CDK6: variants seen among roughly 807,000 people sequenced by gnomAD.
The protein encoded by CDK6 is cyclin-dependent kinase 6.
A neutral mutation model predicts 37.1 loss-of-function variants in CDK6; 6 were observed. The ratio of observed to expected loss-of-function variants is 0.16; its 90% CI spans 0.09 to 0.32. The LOEUF (loss-of-function observed/expected upper bound fraction) is 0.32. Among genes scored for constraint, CDK6 ranks in the 10% least tolerant of loss-of-function variants. CDK6 has a pLI of 1.00. For synonymous variants in CDK6, 160 were observed against 161.3 expected, an observed-to-expected ratio of 0.99 and a Z score of 0.06; for missense variants, 224 against 418.9, an observed-to-expected ratio of 0.53 and a Z score of 4.06.
chr7:92,680,109 A>G (rs995857427), intron 4 of CDK6, among the ~76,000 whole-genome samples: 5 of 151,966 alleles, frequency 3.3e-5, no homozygotes, highest in African/African-American at 1.2e-4. Flanking sequence ...TTCTCATTAT[A>G]ACACCTTAAC....
intron 5 of CDK6, among the ~76,000 whole-genome samples, chr7:92,635,780 C>T (rs1184237408): frequency 6.6e-6 from 1 of 152,070 alleles, no homozygotes; most frequent in Non-Finnish European, 1.5e-5. Flanking sequence ...ACCCATGATA[C>T]CGTGCTGTGC....
At chr7:92,814,936 C>T (rs1170268237) in intron 2 of CDK6, among the ~76,000 whole-genome samples, 1 of 151,848 alleles carries the variant, frequency 6.6e-6, no homozygotes, top group Non-Finnish European at 1.5e-5. Context: ...TGTATATGTA[C>T]ATAATTTTTA....
intron 2 of CDK6, among the ~76,000 whole-genome samples, chr7:92,805,202 A>G (rs147605391): frequency 2.6e-5 from 4 of 152,128 alleles, no homozygotes; most frequent in African/African-American, 2.4e-5. Flanking sequence ...TGAATCATGT[A>G]ATCTGCCCAC....
chr7:92,736,308 T>C (rs1798786165), intron 3 of CDK6, among the ~76,000 whole-genome samples: 1 of 152,152 alleles, frequency 6.6e-6, no homozygotes, highest in African/African-American at 2.4e-5. Flanking sequence ...AAAAGAACTA[T>C]GAAGTCCCTA....
At chr7:92,825,481 C>G (rs1801286950) in intron 2 of CDK6, among the ~76,000 whole-genome samples, 1 of 152,086 alleles carries the variant, frequency 6.6e-6, no homozygotes, top group Non-Finnish European at 1.5e-5. Context: ...CACACACACA[C>G]ACACCCCAAC....
intron 2 of CDK6, among the ~76,000 whole-genome samples, chr7:92,815,638 T>G (rs916103335): frequency 3.3e-5 from 5 of 152,274 alleles, no homozygotes; most frequent in African/African-American, 1.2e-4. Flanking sequence ...AGGAGGAACC[T>G]CAGAGTTCTG....
intron 2 of CDK6, among the ~76,000 whole-genome samples, chr7:92,806,012 C>T (rs1437042582): frequency 6.6e-6 from 1 of 152,018 alleles, no homozygotes; most frequent in Non-Finnish European, 1.5e-5. Flanking sequence ...GATGGTTGCA[C>T]AACAATGTGA....
At chr7:92,748,226 A>T (rs372725734) in intron 3 of CDK6, among the ~76,000 whole-genome samples, 73 of 152,346 alleles carry the variant, frequency 4.8e-4, no homozygotes, top group African/African-American at 1.7e-3. Context: ...AGCAACTATT[A>T]TATCATCAGC....
At chr7:92,827,571 G>GA (rs1372888328) in intron 2 of CDK6, among the ~76,000 whole-genome samples, 2 of 152,112 alleles carry the variant, frequency 1.3e-5, no homozygotes, top group Non-Finnish European at 2.9e-5. Context: ...GCAGCTCTTG[G>GA]AAAAATCTCT....
At chr7:92,627,905 C>G (rs910523890) in intron 5 of CDK6, among the ~76,000 whole-genome samples, 6 of 151,600 alleles carry the variant, frequency 4.0e-5, no homozygotes, top group Non-Finnish European at 8.8e-5. Flanking sequence ...TATTTGGAAA[C>G]CATCCACATA....
intron 4 of CDK6, among the ~76,000 whole-genome samples, chr7:92,686,301 A>T (rs1797452081): frequency 6.6e-6 from 1 of 151,948 alleles, no homozygotes; most frequent in South Asian, 2.1e-4. Context: ...CCTTCCCTGA[A>T]TCCCCAAAGT....
rs190488590 is a variant in CDK6 at position 92,611,531 on chromosome 7, G to A, written c.*3609C>T. On this transcript the variant is annotated 3_prime_UTR_variant, in exon 8 of 8. Coordinates refer to ENST00000424848, the MANE Select transcript of CDK6 (RefSeq NM_001145306.2). ...CTTACATAATTTAATTTCCACAATGGAACAATAATGGCCATTACTGACTTT... is the reference window on the plus strand; with the variant it reads ...CTTACATAATTTAATTTCCACAATGAAACAATAATGGCCATTACTGACTTT... 1.7e-4 allele frequency: 38 copies of A among 227,510 alleles called. No individual in the cohort carries two copies. Among genetic ancestry groups the A allele is most frequent in the Admixed American group, 1.4e-3 (24 of 17,650 alleles). 14.1% of individuals were successfully genotyped at this position (227,510 alleles called of 1,614,324 possible). A position where few individuals can be genotyped will look rare whatever the true frequency, so the allele number is the denominator to read the frequency against.
At chr7:92,696,688 G>A (rs919218169) in intron 4 of CDK6, among the ~76,000 whole-genome samples, 1 of 152,046 alleles carries the variant, frequency 6.6e-6, no homozygotes, top group Admixed American at 6.6e-5. Context: ...GAAATTTTGT[G>A]GATTTAAAGA....
Position 92,833,793 on chromosome 7 carries a change from C to T in CDK6, c.-367-103G>A, listed in dbSNP as rs377584929. 1.2e-5 allele frequency: 5 copies of T among 404,826 alleles called. No individual in the cohort carries two copies. The highest frequency in any genetic ancestry group is 2.2e-5 in the Non-Finnish European group (5 of 230,648). 25.1% of individuals were successfully genotyped at this position (404,826 alleles called of 1,614,324 possible). ...CCCCTCCTCCTCCTTTACGAAGCCTCCATCGCTACCCTCCGCGCGCTCCTG... is the reference window on the plus strand; with the variant it reads ...CCCCTCCTCCTCCTTTACGAAGCCTTCATCGCTACCCTCCGCGCGCTCCTG... On this transcript the variant is annotated intron_variant, in intron 1 of 7. Transcript: ENST00000424848. This position sits in a 1 kb window ranked among gnomAD's most constrained non-coding sequence, Gnocchi z 6.1.
chr7:92,671,331 C>A, intron 5 of CDK6, 95 bp downstream of exon 5: 1 of 749,566 alleles, frequency 1.3e-6, no homozygotes, highest in Non-Finnish European at 2.1e-6. Context: ...CCATCATGAC[C>A]CCTAATGATA....
rs114696707 is a variant in CDK6 at position 92,830,763 on chromosome 7, C to A, written c.233+2328G>T. Among the ~76,000 whole-genome samples the A allele has an allele frequency of 3.4e-3, 523 of 152,308 alleles. 1 individual carries two copies. The highest frequency in any genetic ancestry group is 0.012 in the African/African-American group (493 of 41,568). On this transcript the variant is annotated intron_variant, in intron 2 of 7. Transcript: ENST00000424848. ...CTGTAGCTCATGAGGGTGACATCAT[C>A]AATAATTTCCTCAAGTATCACTGAA...
rs878990609 is a variant in CDK6 at position 92,611,267 on chromosome 7, A to G, written c.*3873T>C. The G allele has an allele frequency of 8.9e-6, 2 of 224,802 alleles. No individual in the cohort carries two copies. The highest frequency in any genetic ancestry group is 1.1e-4 in the Admixed American group (2 of 17,532). 13.9% of individuals were successfully genotyped at this position (224,802 alleles called of 1,614,324 possible). A position where few individuals can be genotyped will look rare whatever the true frequency, so the allele number is the denominator to read the frequency against. ...TAAATATCTAAGAGTTTATAATAACATTCCAATATTTTCTTTCCAGGGTAA... is the reference window on the plus strand; with the variant it reads ...TAAATATCTAAGAGTTTATAATAACGTTCCAATATTTTCTTTCCAGGGTAA... On this transcript the variant is annotated 3_prime_UTR_variant, in exon 8 of 8. Transcript: ENST00000424848.
At position 92,605,573 on chromosome 7, in the gene CDK6, C is replaced by T. The variant is rs1321032273; in HGVS notation, c.*9567G>A. The T allele has an allele frequency of 8.6e-6, 2 of 232,978 alleles. No homozygotes were observed. The highest frequency in any genetic ancestry group is 1.7e-5 in the Non-Finnish European group (2 of 117,962). 14.4% of individuals were successfully genotyped at this position (232,978 alleles called of 1,614,324 possible). On this transcript the variant is annotated 3_prime_UTR_variant, in exon 8 of 8. Transcript: ENST00000424848. The stretch of plus-strand genomic sequence containing the variant: ...GATAGGAAGGGTATAGATAAACTGG[C>T]TATATTTTCATCTGCCTCTTGGGAA...
Position 92,614,047 on chromosome 7 carries a change from G to A in CDK6, c.*1093C>T, listed in dbSNP as rs1333348975. On this transcript the variant is annotated 3_prime_UTR_variant, in exon 8 of 8. Coordinates refer to ENST00000424848, the MANE Select transcript of CDK6 (RefSeq NM_001145306.2). ...ACAAGATGGATACTTTGCCAACAAG[G>A]CAGTGTGTGGCAGAAAGTACAGTGT... 8.6e-6 allele frequency: 2 copies of A among 233,080 alleles called. No individual in the cohort carries two copies. The highest frequency in any genetic ancestry group is 4.4e-5 in the African/African-American group (2 of 45,346). The allele number at this position is 233,080 out of a possible 1,614,324, so 14.4% of individuals were successfully genotyped here. A position where few individuals can be genotyped will look rare whatever the true frequency, so the allele number is the denominator to read the frequency against.
Sources: allele counts gnomAD v4.1 joint callset (sites outside exome capture counted in the v4.1 genomes callset), GRCh38; gene constraint gnomAD v4.1.1; non-coding constraint Gnocchi (gnomAD v3.1); transcripts MANE v1.5; gene names NCBI Gene and HGNC (gene_info 2026-07-23, HGNC 2026-07-21).